TBCD: variants seen among roughly 807,000 people sequenced by gnomAD.
TBCD encodes tubulin-specific chaperone D.
A neutral mutation model predicts 169.3 loss-of-function variants in TBCD; 105 were observed. The ratio of observed to expected loss-of-function variants is 0.62; its 90% CI spans 0.53 to 0.73. The LOEUF (loss-of-function observed/expected upper bound fraction) is 0.73. Among genes scored for constraint, TBCD ranks in the 30% least tolerant of loss-of-function variants. The probability of loss-of-function intolerance (pLI) is 0.00; values close to 1 mark genes in which losing one functional copy is unlikely to be tolerated. For missense variants in TBCD, 1,444 were observed against 1,600.1 expected (o/e 0.90, Z 1.66); for synonymous variants, 700 against 643.9 (o/e 1.09, Z -1.32).
rs750371363 is a variant in TBCD at position 82,832,466 on chromosome 17, T to G, written c.1318+17532T>G. On this transcript the variant is annotated intron_variant, in intron 13 of 38. Coordinates refer to ENST00000355528, the MANE Select transcript of TBCD (RefSeq NM_005993.5). This position sits in a 1 kb window ranked among gnomAD's most constrained non-coding sequence, Gnocchi z 4.9. Reference sequence around the variant, plus strand: ...TTGAGGAGACTCATTTTCCTCCTTATGCCTTGGACTCTGGCTGTCCAGGTG... The same window carrying G: ...TTGAGGAGACTCATTTTCCTCCTTAGGCCTTGGACTCTGGCTGTCCAGGTG... 2.5e-6 allele frequency: 4 copies of G among 1,605,652 alleles called. No homozygotes were observed. In the African/African-American group the frequency reaches 5.3e-5, roughly 21 times the overall value.
At chr17:82,846,306 G>GCGCTGCGTCCCCTCGTCCAGCCCTC (rs1567879113) in intron 13 of TBCD, among the ~76,000 whole-genome samples, 1 of 138,140 alleles carries the variant, frequency 7.2e-6, no homozygotes, top group Non-Finnish European at 1.6e-5. Context: ...CCCCCTCCAC[G>GCGCTGCGTCCCCTCGTCCAGCCCTC]TGCTGCGTCC....
At chr17:82,857,441 A>G (rs1009894227) in intron 13 of TBCD, among the ~76,000 whole-genome samples, 1 of 151,670 alleles carries the variant, frequency 6.6e-6, no homozygotes, top group African/African-American at 2.4e-5. Flanking sequence ...ATGTCTTTGT[A>G]TTGTGTCGTG....
At chr17:82,875,651 G>C (rs966715353) in intron 14 of TBCD, among the ~76,000 whole-genome samples, 104 of 152,296 alleles carry the variant, frequency 6.8e-4, no homozygotes, top group African/African-American at 2.4e-3. Context: ...TCTCTTCCTC[G>C]GGGGCAGGAT....
intron 13 of TBCD, among the ~76,000 whole-genome samples, chr17:82,859,416 C>T (rs548385845): frequency 1.5e-5 from 2 of 137,104 alleles, no homozygotes; most frequent in East Asian, 2.3e-4. Context: ...GTGTCCTCCC[C>T]GCACTGGCTT....
chr17:82,921,380 G>A, intron 24 of TBCD, 121 bp from the exon 25 acceptor site: 1 of 810,122 alleles, frequency 1.2e-6, no homozygotes, highest in East Asian at 2.6e-5. Flanking sequence ...CTTTTCCACA[G>A]ATTCCTCTCA....
chr17:82,942,415 T>C, intron 38 of TBCD, 34 bp from the exon 39 acceptor site: 1 of 1,613,922 alleles, frequency 6.2e-7, no homozygotes, highest in Non-Finnish European at 8.5e-7. Flanking sequence ...GTGTTGGAGC[T>C]GACCAGCCTG....
intron 7 of TBCD, among the ~76,000 whole-genome samples, chr17:82,794,642 G>A (rs555868902): frequency 9.2e-5 from 14 of 152,342 alleles, no homozygotes; most frequent in South Asian, 2.1e-4. Flanking sequence ...CCACCGCCAC[G>A]CTGAGCACTG....
chr17:82,797,893 A>G, intron 8 of TBCD, 91 bp downstream of exon 8: 1 of 943,330 alleles, frequency 1.1e-6, no homozygotes, highest in Non-Finnish European at 1.5e-6. Context: ...ATTCATAGAT[A>G]TAGGAACTGT....
At position 82,752,117 on chromosome 17, in the gene TBCD, C is replaced by T. The variant is rs990721820; in HGVS notation, c.-77C>T. On this transcript the variant is annotated 5_prime_UTR_variant, in exon 1 of 39. Transcript: ENST00000355528. ...CGCCTCCTTTTCATCCCTCATCCTT[C>T]ATCCCTGGCTTTCGCGCTCTAGCGG... is the stretch of plus-strand genomic sequence containing the variant. The T allele has an allele frequency of 1.1e-5, 15 of 1,389,164 alleles. No homozygotes were observed. The Admixed American group carries it at 5.1e-4, about 48-fold the overall frequency. 86.1% of individuals were successfully genotyped at this position (1,389,164 alleles called of 1,614,324 possible).
intron 7 of TBCD, chr17:82,795,974 G>T (rs2050075015): frequency 1.3e-5 from 2 of 152,334 alleles, no homozygotes; most frequent in South Asian, 4.1e-4. Context: ...GGTTGTGGCA[G>T]TTGGAAGCCT....
At chr17:82,924,696 C>T (rs967264738) in intron 26 of TBCD, among the ~76,000 whole-genome samples, 2 of 152,122 alleles carry the variant, frequency 1.3e-5, no homozygotes, top group African/African-American at 2.4e-5. Context: ...GAGGCTGCAG[C>T]GAGCTAAGCT....
At chr17:82,794,154 T>C (rs1835131740) in intron 7 of TBCD, among the ~76,000 whole-genome samples, 1 of 152,158 alleles carries the variant, frequency 6.6e-6, no homozygotes, top group Non-Finnish European at 1.5e-5. Flanking sequence ...TGGCAGTGCC[T>C]GAAGGGAGCC....
intron 38 of TBCD, 118 bp downstream of exon 38, chr17:82,941,601 C>G: frequency 1.1e-6 from 1 of 881,346 alleles, no homozygotes; most frequent in Non-Finnish European, 1.7e-6. Context: ...GTTCCCTCGT[C>G]TCATGTCAGG....
intron 37 of TBCD, 117 bp from the exon 38 acceptor site, chr17:82,941,282 C>CG (rs1568113344): frequency 3.7e-6 from 3 of 801,704 alleles, no homozygotes; most frequent in African/African-American, 3.5e-5. Flanking sequence ...CTATGGATGT[C>CG]GGGGGTGAGG....
intron 13 of TBCD, among the ~76,000 whole-genome samples, chr17:82,853,592 A>G (rs1263099673): frequency 6.6e-6 from 1 of 151,012 alleles, no homozygotes; most frequent in Non-Finnish European, 1.5e-5. Context: ...TTTTTTGTAG[A>G]GACGGTCTCA....
intron 13 of TBCD, chr17:82,865,610 C>G (rs1567916795): frequency 2.3e-6 from 2 of 882,008 alleles, no homozygotes; most frequent in Non-Finnish European, 1.4e-6. Context: ...CAGGGCGATG[C>G]GGTCTGCACC....
At chr17:82,918,120 T>TC (rs1215154095) in intron 23 of TBCD, among the ~76,000 whole-genome samples, 1 of 152,220 alleles carries the variant, frequency 6.6e-6, no homozygotes, top group African/African-American at 2.4e-5. Flanking sequence ...CCGCGGTGAC[T>TC]CCGGGTATGA....
chr17:82,779,514 G>C (rs2144248750), intron 6 of TBCD, among the ~76,000 whole-genome samples: 1 of 152,350 alleles, frequency 6.6e-6, no homozygotes, highest in African/African-American at 2.4e-5. Context: ...CAGTGGCGGA[G>C]GGGAGAGGTC....
intron 14 of TBCD, among the ~76,000 whole-genome samples, chr17:82,877,562 G>C (rs1169154069): frequency 6.6e-6 from 1 of 152,052 alleles, no homozygotes; most frequent in Non-Finnish European, 1.5e-5. Flanking sequence ...GGCTGTTCTC[G>C]AACTCCTGAT....
Sources: gnomAD v4.1 joint callset for allele counts (sites outside exome capture counted in the v4.1 genomes callset) on GRCh38, gnomAD v4.1.1 for gene constraint, Gnocchi (gnomAD v3.1) non-coding constraint, MANE v1.5 for transcripts, NCBI Gene and HGNC (gene_info 2026-07-23, HGNC 2026-07-21) for gene names.